PCBD2: variants seen among roughly 807,000 people sequenced by gnomAD.
The protein encoded by PCBD2 is pterin-4 alpha-carbinolamine dehydratase 2.
PCBD2 carries 12 observed loss-of-function variants against 16.4 expected under a neutral mutation model. The observed-to-expected ratio is 0.73, with a 90% CI of 0.47 to 1.19. The LOEUF (loss-of-function observed/expected upper bound fraction) is 1.19. PCBD2 is among the 50% of genes most tolerant of loss of function. The probability of loss-of-function intolerance (pLI) is 0.00; values close to 1 mark genes in which losing one functional copy is unlikely to be tolerated. For missense variants in PCBD2, 138 were observed against 156.8 expected (o/e 0.88, Z 0.64); for synonymous variants, 58 against 61.8 (o/e 0.94, Z 0.29).
chr5:134,958,563 C>T (rs1751439019), intron 2 of PCBD2, among the ~76,000 whole-genome samples: 1 of 152,220 alleles, frequency 6.6e-6, no homozygotes, highest in Admixed American at 6.5e-5. Flanking sequence ...TTCATTTCTG[C>T]TGGTGCTTTT....
chr5:134,950,185 T>C (rs557614493), intron 2 of PCBD2, among the ~76,000 whole-genome samples: 2 of 152,326 alleles, frequency 1.3e-5, no homozygotes, highest in Admixed American at 1.3e-4. Flanking sequence ...GTCTAATTCA[T>C]TGAATTAGTA....
intron 2 of PCBD2, among the ~76,000 whole-genome samples, chr5:134,938,377 G>A (rs942251251): frequency 1.3e-5 from 2 of 152,228 alleles, no homozygotes; most frequent in Non-Finnish European, 2.9e-5. Flanking sequence ...CAGAGACACT[G>A]AAGGAACCTT....
Position 134,907,685 on chromosome 5 carries a change from C to T in PCBD2, c.84+2462C>T, listed in dbSNP as rs563700025. Among the ~76,000 whole-genome samples, 36 of 145,096 alleles carry T rather than the reference C, an allele frequency of 2.5e-4. No homozygotes were observed. In the South Asian group the frequency reaches 7.1e-3, roughly 29 times the overall value. ...TTGCCCAGGCTGGAGTGCAGTGGCA[C>T]GATCTCGGCTCACTGCAACCTCTAT... On this transcript the variant is annotated intron_variant, in intron 1 of 3. Coordinates refer to ENST00000254908, the MANE Select transcript of PCBD2 (RefSeq NM_032151.5).
chr5:134,923,679 A>G (rs1228987491), intron 2 of PCBD2: 3 of 376,904 alleles, frequency 8.0e-6, no homozygotes, highest in Non-Finnish European at 1.4e-5. Flanking sequence ...GGCTGTTGCT[A>G]TAGTTGTAAG....
Position 134,959,111 on chromosome 5 carries a change from A to T in PCBD2, c.288A>T (p.Val96=), listed in dbSNP as rs766086785. 2 of 1,612,488 alleles carry T rather than the reference A, an allele frequency of 1.2e-6. No homozygotes were observed. Among genetic ancestry groups the T allele is most frequent in the Non-Finnish European group, 1.7e-6 (2 of 1,179,046 alleles). The part of the protein sequence containing the change: ...KMNHHPEWFN[V]YNKVQITLTS... ...ATCATCACCCAGAATGGTTCAATGT[A>T]TACAACAAGGTAACTAAACTGCCTT... Residue 96 remains valine, a synonymous_variant, in exon 3 of 4, where the codon GTA becomes GTT. Coordinates refer to ENST00000254908, the MANE Select transcript of PCBD2 (RefSeq NM_032151.5).
chr5:134,918,679 G>T (rs1332054130), intron 2 of PCBD2, among the ~76,000 whole-genome samples: 1 of 152,150 alleles, frequency 6.6e-6, no homozygotes, highest in Non-Finnish European at 1.5e-5. Flanking sequence ...ACCTGAGAAA[G>T]TGTTCATAGT....
intron 2 of PCBD2, among the ~76,000 whole-genome samples, chr5:134,913,768 A>T: frequency 6.6e-6 from 1 of 152,110 alleles, no homozygotes; most frequent in Non-Finnish European, 1.5e-5. Context: ...GTGGGGATGG[A>T]GAGAAATGTA....
At chr5:134,925,093 C>T (rs755535359) in intron 2 of PCBD2, 17 of 396,452 alleles carry the variant, frequency 4.3e-5, no homozygotes, top group African/African-American at 3.3e-4. Context: ...GATTGTTAGG[C>T]GTTTAATGGG....
chr5:134,908,011 C>T (rs2149529393), intron 1 of PCBD2, among the ~76,000 whole-genome samples: 1 of 150,700 alleles, frequency 6.6e-6, no homozygotes, highest in Non-Finnish European at 1.5e-5. Flanking sequence ...CCTCAGTCAT[C>T]TGGTCTCAAG....
intron 1 of PCBD2, among the ~76,000 whole-genome samples, chr5:134,906,361 G>A (rs1373207875): frequency 6.6e-6 from 1 of 151,580 alleles, no homozygotes; most frequent in East Asian, 1.9e-4. Context: ...CCGTCGCCAC[G>A]CCCGGCTAAT....
intron 1 of PCBD2, among the ~76,000 whole-genome samples, chr5:134,906,481 G>A (rs367833974): frequency 1.3e-5 from 2 of 152,128 alleles, no homozygotes; most frequent in Non-Finnish European, 2.9e-5. Context: ...TGTAATAGAA[G>A]AAATTTAAAA....
intron 2 of PCBD2, among the ~76,000 whole-genome samples, chr5:134,934,777 G>A (rs1030538064): frequency 2.6e-5 from 4 of 152,098 alleles, no homozygotes; most frequent in African/African-American, 9.7e-5. Context: ...TCAGTCCTCT[G>A]AGAAATTCTA....
intron 2 of PCBD2, among the ~76,000 whole-genome samples, chr5:134,911,543 C>T (rs1486813306): frequency 3.3e-5 from 5 of 152,200 alleles, no homozygotes; most frequent in Admixed American, 3.3e-4. Flanking sequence ...ACCATGTTTG[C>T]TTAAATAACT....
chr5:134,926,127 G>A, intron 2 of PCBD2: 1 of 328,826 alleles, frequency 3.0e-6, no homozygotes, highest in Non-Finnish European at 5.5e-6. Context: ...TAATGTTTGG[G>A]TCTGAGCTTA....
At chr5:134,925,796 C>T in intron 2 of PCBD2, 1 of 395,560 alleles carries the variant, frequency 2.5e-6, no homozygotes, top group Non-Finnish European at 4.5e-6. Context: ...GCTGATTTGC[C>T]TGCTGCTGCT....
At chr5:134,916,646 T>C (rs980748706) in intron 2 of PCBD2, among the ~76,000 whole-genome samples, 14 of 152,260 alleles carry the variant, frequency 9.2e-5, no homozygotes, top group Non-Finnish European at 2.9e-5. Context: ...TCTCAGAGTT[T>C]TATTCTAAGG....
chr5:134,956,349 C>G (rs1047099014), intron 2 of PCBD2, among the ~76,000 whole-genome samples: 1 of 152,126 alleles, frequency 6.6e-6, no homozygotes, highest in African/African-American at 2.4e-5. Context: ...GCCTCTTAGG[C>G]TGTGGCTGTG....
chr5:134,928,663 T>C (rs1360103292), intron 2 of PCBD2: 4 of 162,828 alleles, frequency 2.5e-5, no homozygotes, highest in Non-Finnish European at 5.3e-5. Flanking sequence ...TGAAACCCCG[T>C]CTCTACTAAA....
At chr5:134,952,208 C>T (rs536683450) in intron 2 of PCBD2, among the ~76,000 whole-genome samples, 2 of 149,922 alleles carry the variant, frequency 1.3e-5, no homozygotes, top group Non-Finnish European at 3.0e-5. Flanking sequence ...CTAGCATTTC[C>T]CTATAAAGAA....
Sources: allele counts gnomAD v4.1 joint callset (sites outside exome capture counted in the v4.1 genomes callset), GRCh38; gene constraint gnomAD v4.1.1; transcripts MANE v1.5; gene names NCBI Gene and HGNC (gene_info 2026-07-23, HGNC 2026-07-21).